The following KCNB2 variants were observed in gnomAD, a reference collection of about 807,000 sequenced individuals.
KCNB2 encodes the protein delayed rectifier potassium channel protein.
Under a neutral mutation model 61.5 loss-of-function variants are expected in KCNB2, and 15 were observed. That is an observed-to-expected ratio of 0.24 (90% CI 0.16 to 0.38). The LOEUF is 0.38. Ranked by LOEUF, KCNB2 falls within the 10% of genes least tolerant of loss-of-function variation. KCNB2 has a pLI of 1.00. For synonymous variants in KCNB2, 457 were observed against 446.0 expected (o/e 1.02, Z -0.31); for missense variants, 828 against 1,125.2 (o/e 0.74, Z 3.78).
chr8:72,675,806 C>T (rs1240158612), intron 2 of KCNB2, among the ~76,000 whole-genome samples: 1 of 152,160 alleles, frequency 6.6e-6, no homozygotes, highest in South Asian at 2.1e-4. Flanking sequence ...CCCGCCTCGG[C>T]CTCCCAAAGT....
At chr8:72,639,444 G>T (rs534902036) in intron 2 of KCNB2, among the ~76,000 whole-genome samples, 1 of 152,016 alleles carries the variant, frequency 6.6e-6, no homozygotes, top group Admixed American at 6.6e-5. Context: ...TTCTTCCCTT[G>T]GTTTTAGACT....
intron 2 of KCNB2, among the ~76,000 whole-genome samples, chr8:72,893,154 G>A (rs1805929255): frequency 6.6e-6 from 1 of 150,630 alleles, no homozygotes; most frequent in Non-Finnish European, 1.5e-5. Flanking sequence ...TGCTATTTAT[G>A]AAGAGATTTT....
intron 2 of KCNB2, among the ~76,000 whole-genome samples, chr8:72,916,341 T>C (rs2860326): frequency 0.59 from 89,735 of 152,020 alleles, 27,766 homozygotes; most frequent in Middle Eastern, 0.7. Context: ...ACTAGCCAGC[T>C]GCTTCACTGG....
rs568626854 is a variant in KCNB2 at position 72,933,347 on chromosome 8, C to T, written c.580-2588C>T. 8.6e-4 allele frequency among the ~76,000 whole-genome samples: 131 copies of T among 152,340 alleles called. 1 individual carries two copies. The highest frequency in any genetic ancestry group is 2.9e-3 in the African/African-American group (120 of 41,590). ...ATGAAGGACTGAAGGCCCCCTTGGA[C>T]CTTTCACTTTATCCTTTGCCAAAAG... On this transcript the variant is annotated intron_variant, in intron 2 of 2. Transcript: ENST00000523207.
At chr8:72,561,735 C>CGTA (rs1585752414) in intron 1 of KCNB2, among the ~76,000 whole-genome samples, 2 of 22,114 alleles carry the variant, frequency 9.0e-5, no homozygotes, top group African/African-American at 4.4e-4. Context: ...ATATCTATAT[C>CGTA]TATATATATA....
At chr8:72,551,547 A>T (rs1485707370) in intron 1 of KCNB2, among the ~76,000 whole-genome samples, 2 of 152,004 alleles carry the variant, frequency 1.3e-5, no homozygotes, top group African/African-American at 4.8e-5. Context: ...GTTACTTGGG[A>T]TGCTCTCTCT....
chr8:72,755,033 G>C (rs1232495939), intron 2 of KCNB2, among the ~76,000 whole-genome samples: 1 of 152,172 alleles, frequency 6.6e-6, no homozygotes, highest in Non-Finnish European at 1.5e-5. Flanking sequence ...GGTAAGATAT[G>C]ATGGGAACGG....
At chr8:72,702,260 C>G (rs897041900) in intron 2 of KCNB2, among the ~76,000 whole-genome samples, 1 of 152,096 alleles carries the variant, frequency 6.6e-6, no homozygotes, top group Non-Finnish European at 1.5e-5. Flanking sequence ...CAGCATTGCT[C>G]TCATTTCCAG....
chr8:72,888,691 T>C (rs1422384371), intron 2 of KCNB2, among the ~76,000 whole-genome samples: 1 of 152,178 alleles, frequency 6.6e-6, no homozygotes, highest in East Asian at 1.9e-4. Context: ...TCCTTGTTTC[T>C]CAGTAATAAA....
intron 2 of KCNB2, among the ~76,000 whole-genome samples, chr8:72,639,595 G>A (rs749853143): frequency 6.6e-5 from 10 of 152,040 alleles, no homozygotes; most frequent in Non-Finnish European, 1.5e-4. Flanking sequence ...CCTAAGGAGG[G>A]AGGTGCAGGG....
intron 2 of KCNB2, among the ~76,000 whole-genome samples, chr8:72,916,836 G>T (rs754249571): frequency 6.6e-6 from 1 of 152,188 alleles, no homozygotes; most frequent in Non-Finnish European, 1.5e-5. Context: ...TCATCAAGTT[G>T]TCCCTCTGAA....
intron 2 of KCNB2, among the ~76,000 whole-genome samples, chr8:72,581,837 C>G (rs1469453612): frequency 1.3e-5 from 2 of 152,186 alleles, no homozygotes; most frequent in African/African-American, 2.4e-5. Context: ...AGATGCTTTG[C>G]TTTGCTTTGC....
At chr8:72,821,758 A>G (rs1363597940) in intron 2 of KCNB2, among the ~76,000 whole-genome samples, 1 of 151,834 alleles carries the variant, frequency 6.6e-6, no homozygotes, top group Non-Finnish European at 1.5e-5. Context: ...ATAAGCAGTC[A>G]CAGGTAACGA....
At chr8:72,755,745 T>G (rs761326247) in intron 2 of KCNB2, among the ~76,000 whole-genome samples, 1 of 152,216 alleles carries the variant, frequency 6.6e-6, no homozygotes, top group Non-Finnish European at 1.5e-5. Context: ...GGATTGCTGC[T>G]TGTTTTATAA....
intron 2 of KCNB2, among the ~76,000 whole-genome samples, chr8:72,797,609 G>A (rs1809052706): frequency 6.6e-6 from 1 of 152,198 alleles, no homozygotes; most frequent in African/African-American, 2.4e-5. Flanking sequence ...TGAAGTTTGT[G>A]AGATTCAACA....
chr8:72,792,517 C>A (rs1808962122), intron 2 of KCNB2, among the ~76,000 whole-genome samples: 1 of 152,194 alleles, frequency 6.6e-6, no homozygotes, highest in Non-Finnish European at 1.5e-5. Context: ...TCTCCCCAGG[C>A]CAAATTGTAT....
intron 2 of KCNB2, among the ~76,000 whole-genome samples, chr8:72,884,753 C>A (rs1316944685): frequency 6.6e-6 from 1 of 152,114 alleles, no homozygotes; most frequent in Non-Finnish European, 1.5e-5. Flanking sequence ...TTTAGGCACT[C>A]TATTCTGTTT....
At chr8:72,572,639 G>C (rs349331) in intron 2 of KCNB2, among the ~76,000 whole-genome samples, 1 of 151,874 alleles carries the variant, frequency 6.6e-6, no homozygotes, top group Non-Finnish European at 1.5e-5. Context: ...TGTGCCCCTC[G>C]GGAACTGGTT....
chr8:72,675,922 A>G (rs1563556291), intron 2 of KCNB2, among the ~76,000 whole-genome samples: 1 of 152,130 alleles, frequency 6.6e-6, no homozygotes, highest in Admixed American at 6.5e-5. Context: ...CCTTTGTTAC[A>G]CATTCAAGAC....
Sources: gnomAD v4.1 joint callset for allele counts (sites outside exome capture counted in the v4.1 genomes callset) on GRCh38, gnomAD v4.1.1 for gene constraint, MANE v1.5 for transcripts, NCBI Gene and HGNC (gene_info 2026-07-23, HGNC 2026-07-21) for gene names.